Variants in ANTXR2 observed in about 807,000 individuals in gnomAD.
ANTXR2 encodes anthrax toxin receptor 2.
Under a neutral mutation model 73.7 loss-of-function variants are expected in ANTXR2, and 44 were observed. That is an observed-to-expected ratio of 0.60 (90% CI 0.47 to 0.77). The LOEUF is 0.77. Ranked by LOEUF, ANTXR2 falls within the 30% of genes least tolerant of loss-of-function variation. The probability of loss-of-function intolerance (pLI) is 0.00; values close to 1 mark genes in which losing one functional copy is unlikely to be tolerated. For synonymous variants in ANTXR2, 217 were observed against 205.9 expected (o/e 1.05, Z -0.46); for missense variants, 604 against 592.5 (o/e 1.02, Z -0.20).
At chr4:80,038,256 A>G (rs1187645292) in intron 7 of ANTXR2, among the ~76,000 whole-genome samples, 1 of 152,166 alleles carries the variant, frequency 6.6e-6, no homozygotes. Context: ...AGCACTGACC[A>G]TAAGTCAATC....
chr4:80,017,996 A>G (rs142067004), intron 11 of ANTXR2, among the ~76,000 whole-genome samples: 57 of 152,328 alleles, frequency 3.7e-4, no homozygotes, highest in African/African-American at 1.2e-3. Context: ...TCTTAAAATG[A>G]GAAATGCAAC....
intron 12 of ANTXR2, among the ~76,000 whole-genome samples, chr4:79,989,492 TA>T (rs1197188394): frequency 6.6e-6 from 1 of 151,450 alleles, no homozygotes; most frequent in Non-Finnish European, 1.5e-5. Flanking sequence ...TGATCAGTAA[TA>T]AAAAAAATCC....
intron 12 of ANTXR2, among the ~76,000 whole-genome samples, chr4:79,990,306 G>A (rs12506734): frequency 0.65 from 96,317 of 147,082 alleles, 33,730 homozygotes; most frequent in East Asian, 0.94. Context: ...AACCAAATGT[G>A]CAAAAATAAG....
intron 16 of ANTXR2, among the ~76,000 whole-genome samples, chr4:79,973,380 TAAAG>T (rs1729506115): frequency 6.8e-6 from 1 of 147,342 alleles, no homozygotes; most frequent in Non-Finnish European, 1.5e-5. Flanking sequence ...TTTTATGAAA[TAAAG>T]AAGACCTGGT....
At chr4:80,013,645 A>G (rs1329988792) in intron 11 of ANTXR2, among the ~76,000 whole-genome samples, 1 of 152,208 alleles carries the variant, frequency 6.6e-6, no homozygotes, top group African/African-American at 2.4e-5. Flanking sequence ...GAAAGACTAA[A>G]TATCATTTAA....
At chr4:80,067,398 C>T (rs1041434659) in intron 3 of ANTXR2, among the ~76,000 whole-genome samples, 1 of 152,166 alleles carries the variant, frequency 6.6e-6, no homozygotes, top group Admixed American at 6.5e-5. Flanking sequence ...GCTGAGGAAC[C>T]ATATGCAAAG....
chr4:80,044,306 T>C (rs139506159), intron 7 of ANTXR2, among the ~76,000 whole-genome samples: 1 of 152,082 alleles, frequency 6.6e-6, no homozygotes, highest in Non-Finnish European at 1.5e-5. Flanking sequence ...ATTGAGATCT[T>C]GTAAGTTCCT....
At position 80,018,759 on chromosome 4, in the gene ANTXR2, A is replaced by T. The variant is rs543296631; in HGVS notation, c.945+139T>A. On this transcript the variant is annotated intron_variant, in intron 11 of 16. Transcript: ENST00000403729. ...ATGCCACCCAAAACGAATTCTATAC[A>T]AAATTTTTCCTTGTAATGGTCTCCA... 69 of 697,064 alleles carry T rather than the reference A, an allele frequency of 9.9e-5. No homozygotes were observed. In the Admixed American group the frequency reaches 2.0e-3, roughly 21 times the overall value. 43.2% of individuals were successfully genotyped at this position (697,064 alleles called of 1,614,324 possible). A position where few individuals can be genotyped will look rare whatever the true frequency, so the allele number is the denominator to read the frequency against.
intron 1 of ANTXR2, 95 bp downstream of exon 1, chr4:80,072,314 C>A (rs1734833599): frequency 7.3e-6 from 10 of 1,379,256 alleles, no homozygotes; most frequent in Non-Finnish European, 9.6e-6. Context: ...TTTCCAACAC[C>A]ACTCCCCGGG....
intron 7 of ANTXR2, among the ~76,000 whole-genome samples, chr4:80,045,344 A>T (rs1229857398): frequency 6.6e-6 from 1 of 151,770 alleles, no homozygotes; most frequent in Non-Finnish European, 1.5e-5. Flanking sequence ...ATACATTCAC[A>T]TGTGCTACCT....
intron 2 of ANTXR2, among the ~76,000 whole-genome samples, chr4:80,070,260 AC>A (rs1316200846): frequency 6.6e-6 from 1 of 152,170 alleles, no homozygotes; most frequent in Admixed American, 6.5e-5. Flanking sequence ...TTCATTAGTC[AC>A]CCCTTATTCA....
chr4:80,063,608 AC>A (rs891168084), intron 3 of ANTXR2, among the ~76,000 whole-genome samples: 21 of 151,370 alleles, frequency 1.4e-4, no homozygotes, highest in African/African-American at 4.6e-4. Context: ...AATCACATAC[AC>A]CCCCCTCACC....
chr4:79,936,420 C>A (rs1447451821), intron 16 of ANTXR2, among the ~76,000 whole-genome samples: 1 of 152,224 alleles, frequency 6.6e-6, no homozygotes, highest in African/African-American at 2.4e-5. Flanking sequence ...CATTAGAACT[C>A]TGCTTAGGTA....
chr4:80,033,531 A>G lies in ANTXR2; in HGVS notation c.737T>C (p.Leu246Pro). Residue 246 changes from leucine (L) to proline (P), a missense_variant, in exon 9 of 17, where the codon CTG becomes CCG. Transcript: ENST00000403729. ...GAGAACACTGCCATTCCGACTGCCC[A>G]GCATGAATCCTCTTCCACTTAAGAC... ...QIVLSGRGFMLGSRNGSVLCT... is the reference protein window; with the variant it reads ...QIVLSGRGFMPGSRNGSVLCT... 6.3e-7 allele frequency: 1 copy of G among 1,598,106 alleles called. No individual in the cohort carries two copies. The highest frequency in any genetic ancestry group is 8.5e-7 in the Non-Finnish European group (1 of 1,174,392).
intron 16 of ANTXR2, chr4:79,964,873 G>A (rs997320693): frequency 6.6e-6 from 1 of 152,286 alleles, no homozygotes; most frequent in East Asian, 1.9e-4. Flanking sequence ...ATGTCTCGGA[G>A]GACTTCCCGC....
At chr4:80,046,468 T>C (rs544271337) in intron 7 of ANTXR2, among the ~76,000 whole-genome samples, 14 of 151,890 alleles carry the variant, frequency 9.2e-5, no homozygotes, top group African/African-American at 2.9e-4. Context: ...CTTGAACTTA[T>C]GAGATAAAAT....
chr4:80,004,548 A>G (rs1205797785), intron 12 of ANTXR2, among the ~76,000 whole-genome samples: 4 of 152,154 alleles, frequency 2.6e-5, no homozygotes, highest in Non-Finnish European at 5.9e-5. Context: ...GGCTGCCAGC[A>G]TTCCTTGGCT....
rs367960814 is a variant in ANTXR2 at position 79,933,521 on chromosome 4, G to C, written c.1429-26054C>G. On this transcript the variant is annotated intron_variant, in intron 16 of 16. Coordinates refer to ENST00000403729, the MANE Select transcript of ANTXR2 (RefSeq NM_058172.6). The stretch of plus-strand genomic sequence containing the variant: ...TCATATTGTTGGAAGAAAGATATTG[G>C]TTTGGTTTTTGTTTTGTTTTGTTTT... Among the ~76,000 whole-genome samples, 4 of 152,026 alleles carry C rather than the reference G, an allele frequency of 2.6e-5. No individual in the cohort carries two copies. In the East Asian group the frequency reaches 7.7e-4, roughly 29 times the overall value.
At chr4:79,945,477 T>C (rs534558683) in intron 16 of ANTXR2, among the ~76,000 whole-genome samples, 84 of 152,252 alleles carry the variant, frequency 5.5e-4, no homozygotes, top group South Asian at 4.6e-3. Flanking sequence ...ATCTTTTAAG[T>C]GTTTCACAGG....
Sources: allele counts gnomAD v4.1 joint callset (sites outside exome capture counted in the v4.1 genomes callset), GRCh38; gene constraint gnomAD v4.1.1; transcripts MANE v1.5; gene names NCBI Gene and HGNC (gene_info 2026-07-23, HGNC 2026-07-21).